The following SPAG17 variants were observed in gnomAD, a reference collection of about 807,000 sequenced individuals.
SPAG17 encodes sperm associated antigen 17, also known as sperm-associated antigen 17.
In SPAG17, 169 loss-of-function variants were observed where a neutral mutation model predicts 273.6. The observed-to-expected ratio is 0.62, with a 90% CI of 0.55 to 0.70. The LOEUF (loss-of-function observed/expected upper bound fraction) is 0.70, where lower values mean the gene tolerates loss of function less well. SPAG17 is among the 30% of genes least tolerant of loss of function. The pLI is 0.00. For synonymous variants in SPAG17, 825 were observed against 873.2 expected (o/e 0.94, Z 0.97); for missense variants, 2,557 against 2,627.8 (o/e 0.97, Z 0.59).
intron 46 of SPAG17, among the ~76,000 whole-genome samples, chr1:117,968,554 T>G (rs927946740): frequency 6.6e-6 from 1 of 152,244 alleles, no homozygotes; most frequent in Admixed American, 6.5e-5. Context: ...TGTATAATAC[T>G]GTTTTCTATA....
chr1:117,955,328 T>G, intron 48 of SPAG17: 1 of 1,612,366 alleles, frequency 6.2e-7, no homozygotes, highest in Non-Finnish European at 8.5e-7. Flanking sequence ...TCAGCTTATG[T>G]ATTAGAGATT....
chr1:118,035,555 A>G (rs1432731863), intron 24 of SPAG17, among the ~76,000 whole-genome samples: 1 of 152,194 alleles, frequency 6.6e-6, no homozygotes, highest in Non-Finnish European at 1.5e-5. Context: ...CAAAAATACT[A>G]AGAAATCTAA....
chr1:118,125,194 A>AG (rs1657643268), intron 3 of SPAG17, among the ~76,000 whole-genome samples: 1 of 151,294 alleles, frequency 6.6e-6, no homozygotes, highest in Admixed American at 6.6e-5. Context: ...GCACATATCA[A>AG]TTTTTTAAAA....
Position 118,046,475 on chromosome 1 carries a change from T to C in SPAG17, c.2815-4433A>G, listed in dbSNP as rs150968249. ...ATTTTAATAGTTCCTGGTATTGTTCTGAAAGAAAAAAATATTTCATTAAGT... is the reference window on the plus strand; with the variant it reads ...ATTTTAATAGTTCCTGGTATTGTTCCGAAAGAAAAAAATATTTCATTAAGT... On this transcript the variant is annotated intron_variant, in intron 20 of 48. Coordinates refer to ENST00000336338, the MANE Select transcript of SPAG17 (RefSeq NM_206996.4). 4.4e-3 allele frequency among the ~76,000 whole-genome samples: 673 copies of C among 152,214 alleles called. 6 individuals carry two copies. Among genetic ancestry groups the C allele is most frequent in the African/African-American group, 0.016 (650 of 41,574 alleles).
chr1:118,178,143 T>C lies in SPAG17; in HGVS notation c.87+6928A>G, dbSNP rs80080919. 2.0e-4 allele frequency among the ~76,000 whole-genome samples: 31 copies of C among 152,230 alleles called. No individual in the cohort carries two copies. In the East Asian group the frequency reaches 5.8e-3, roughly 28 times the overall value. Reference sequence around the variant, plus strand: ...AAAGGCTATAGGTCAGTATCACTGATAAAGTGATAAATATCATTAAAATGG... The same window carrying C: ...AAAGGCTATAGGTCAGTATCACTGACAAAGTGATAAATATCATTAAAATGG... On this transcript the variant is annotated intron_variant, in intron 1 of 48. Coordinates refer to ENST00000336338, the MANE Select transcript of SPAG17 (RefSeq NM_206996.4).
intron 1 of SPAG17, among the ~76,000 whole-genome samples, chr1:118,184,585 C>A (rs1415784039): frequency 6.6e-6 from 1 of 152,140 alleles, no homozygotes; most frequent in Non-Finnish European, 1.5e-5. Flanking sequence ...TCATCTTTTC[C>A]TATCTATACA....
chr1:117,989,873 C>A (rs935082338), intron 38 of SPAG17, among the ~76,000 whole-genome samples: 1 of 152,072 alleles, frequency 6.6e-6, no homozygotes, highest in African/African-American at 2.4e-5. Context: ...AGCCACCAGG[C>A]CGGGCCTGGG....
chr1:118,162,753 C>T (rs1659991366), intron 1 of SPAG17, among the ~76,000 whole-genome samples: 1 of 151,836 alleles, frequency 6.6e-6, no homozygotes, highest in South Asian at 2.1e-4. Flanking sequence ...ACTAATTCTG[C>T]AATTTGTTTT....
At chr1:118,134,583 C>T (rs1658235738) in intron 3 of SPAG17, among the ~76,000 whole-genome samples, 1 of 152,218 alleles carries the variant, frequency 6.6e-6, no homozygotes, top group Non-Finnish European at 1.5e-5. Flanking sequence ...TATTCCCGTA[C>T]TGTGGTTCTA....
rs888954801 is a variant in SPAG17, at chr1:118,081,754, C to G, written c.1763-112G>C. The stretch of plus-strand genomic sequence containing the variant: ...CTACCAGAAAGACAAGAGAGTCACG[C>G]CACAATGGCTGTTGAGCTGATTTTA... On this transcript the variant is annotated intron_variant, in intron 13 of 48. Coordinates refer to ENST00000336338, the MANE Select transcript of SPAG17 (RefSeq NM_206996.4). The G allele has an allele frequency of 6.0e-6, 5 of 830,024 alleles. No homozygotes were observed. In the African/African-American group the frequency reaches 8.6e-5, roughly 14 times the overall value. The allele number at this position is 830,024 out of a possible 1,614,324, so 51.4% of individuals were successfully genotyped here. A position where few individuals can be genotyped will look rare whatever the true frequency, so the allele number is the denominator to read the frequency against.
chr1:118,160,528 T>G (rs1450028783), intron 1 of SPAG17, among the ~76,000 whole-genome samples: 1 of 152,230 alleles, frequency 6.6e-6, no homozygotes, highest in African/African-American at 2.4e-5. Flanking sequence ...ACAACTTATT[T>G]TCTTACAGTG....
At chr1:118,035,906 T>A (rs1422737591) in intron 24 of SPAG17, among the ~76,000 whole-genome samples, 1 of 152,006 alleles carries the variant, frequency 6.6e-6, no homozygotes, top group East Asian at 1.9e-4. Flanking sequence ...GAAAATGGGG[T>A]AGAAGGCCAG....
chr1:118,016,288 G>T, intron 28 of SPAG17, 106 bp from the exon 29 acceptor site: 1 of 819,492 alleles, frequency 1.2e-6, no homozygotes, highest in Non-Finnish European at 2.0e-6. Context: ...AGATACTGTG[G>T]CATAGACAAT....
chr1:118,081,785 T>C (rs553628740), intron 13 of SPAG17, 143 bp from the exon 14 acceptor site: 2 of 665,772 alleles, frequency 3.0e-6, no homozygotes, highest in African/African-American at 3.6e-5. Context: ...TTTTAAACAT[T>C]GGCTCCCCAG....
At chr1:118,071,986 A>T (rs1653644243) in intron 17 of SPAG17, among the ~76,000 whole-genome samples, 1 of 152,242 alleles carries the variant, frequency 6.6e-6, no homozygotes, top group Non-Finnish European at 1.5e-5. Flanking sequence ...AACAATACAT[A>T]GAAACAGAAC....
chr1:118,081,662 G>T lies in SPAG17; in HGVS notation c.1763-20C>A. 1 of 1,599,848 alleles carries T rather than the reference G, an allele frequency of 6.3e-7. No individual in the cohort carries two copies. Among genetic ancestry groups the T allele is most frequent in the Non-Finnish European group, 8.6e-7 (1 of 1,167,472 alleles). ...AGACATCTGTAAGAAAGCAGAACCAGTGCTGCTGGAAATGTTCTTATTAGC... is the reference window on the plus strand; with the variant it reads ...AGACATCTGTAAGAAAGCAGAACCATTGCTGCTGGAAATGTTCTTATTAGC... On this transcript the variant is annotated intron_variant, in intron 13 of 48. Transcript: ENST00000336338.
chr1:118,042,069 A>G (rs753977448), intron 20 of SPAG17, 27 bp from the exon 21 acceptor site: 7 of 1,589,384 alleles, frequency 4.4e-6, no homozygotes, highest in Non-Finnish European at 6.0e-6. Flanking sequence ...GAAATTTAAC[A>G]GGATTTTTAA....
At chr1:118,020,347 T>C (rs956099197) in intron 28 of SPAG17, among the ~76,000 whole-genome samples, 1 of 152,230 alleles carries the variant, frequency 6.6e-6, no homozygotes, top group African/African-American at 2.4e-5. Context: ...GGCACGAGAA[T>C]TGCTTGAATG....
chr1:118,081,092 T>A lies in SPAG17; in HGVS notation c.2209+9A>T. ...ACACACACACACACACACACACACT[T>A]TAACTTACCCAGAGACTCATGTTGG... On this transcript the variant is annotated intron_variant, in intron 15 of 48. Transcript: ENST00000336338. 6.4e-7 allele frequency: 1 copy of A among 1,564,300 alleles called. No homozygotes were observed. The highest frequency in any genetic ancestry group is 8.8e-7 in the Non-Finnish European group (1 of 1,136,744).
Sources: gnomAD v4.1 joint callset for allele counts (sites outside exome capture counted in the v4.1 genomes callset) on GRCh38, gnomAD v4.1.1 for gene constraint, MANE v1.5 for transcripts, NCBI Gene and HGNC (gene_info 2026-07-23, HGNC 2026-07-21) for gene names.